MCTP2: variants seen among roughly 807,000 people sequenced by gnomAD.
The protein encoded by MCTP2 is multiple C2 and transmembrane domain-containing protein 2.
In MCTP2, 132 loss-of-function variants were observed where a neutral mutation model predicts 111.6. That is an observed-to-expected ratio of 1.18 (90% confidence interval 1.03 to 1.37). MCTP2 has a LOEUF of 1.37. Ranked by LOEUF, MCTP2 falls within the 40% of genes most tolerant of loss-of-function variation. The pLI is 0.00. For missense variants in MCTP2, 1,183 were observed against 1,067.9 expected, an observed-to-expected ratio of 1.11 and a Z score of -1.50; for synonymous variants, 395 against 387.7, an observed-to-expected ratio of 1.02 and a Z score of -0.22.
intron 8 of MCTP2, among the ~76,000 whole-genome samples, chr15:94,351,422 A>G (rs1352855278): frequency 4.6e-5 from 7 of 152,188 alleles, no homozygotes; most frequent in Non-Finnish European, 5.9e-5. Context: ...TATAGGCTCA[A>G]TGTTTTCTCT....
intron 17 of MCTP2, among the ~76,000 whole-genome samples, chr15:94,414,765 G>A (rs1358286507): frequency 3.9e-5 from 6 of 152,126 alleles, no homozygotes; most frequent in Non-Finnish European, 5.9e-5. Flanking sequence ...AACAAAAAGT[G>A]TGGCATGTTT....
rs1202560531 is a variant in MCTP2, at chr15:94,298,355, G to C, written c.90G>C (p.Lys30Asn). The change falls in exon 2 of 23, where the codon AAG becomes AAC. Residue 30 changes from lysine to asparagine, a missense_variant. Physicochemically the swap from Lys to Asn is moderately conservative, Grantham distance 94 (BLOSUM62 0). Transcript: ENST00000357742. ...LINLSKKKVKKNPSKPPDLRA... is the reference protein window; with the variant it reads ...LINLSKKKVKNNPSKPPDLRA... ...ACTTGAGCAAGAAGAAGGTGAAAAAGAACCCAAGTAAGCCCCCAGATCTAC... is the reference window on the plus strand; with the variant it reads ...ACTTGAGCAAGAAGAAGGTGAAAAACAACCCAAGTAAGCCCCCAGATCTAC... The C allele has an allele frequency of 6.2e-7, 1 of 1,614,150 alleles. No individual in the cohort carries two copies. The highest frequency in any genetic ancestry group is 1.1e-5 in the South Asian group (1 of 91,074).
intron 12 of MCTP2, among the ~76,000 whole-genome samples, chr15:94,383,665 A>G (rs1030072564): frequency 6.6e-6 from 1 of 152,228 alleles, no homozygotes; most frequent in Non-Finnish European, 1.5e-5. Context: ...CTTATTCTCT[A>G]CCATGAGAAC....
chr15:94,407,752 C>G (rs942559298), intron 17 of MCTP2, among the ~76,000 whole-genome samples: 2 of 150,078 alleles, frequency 1.3e-5, no homozygotes, highest in Admixed American at 6.7e-5. Context: ...TAGAGCCAAC[C>G]CTTCCAACAC....
Position 94,298,239 on chromosome 15 carries a change from A to T in MCTP2, c.-27A>T, listed in dbSNP as rs750208104. On this transcript the variant is annotated 5_prime_UTR_variant, in exon 2 of 23. It adds an upstream start codon to the 5' untranslated region. Coordinates refer to ENST00000357742, the MANE Select transcript of MCTP2 (RefSeq NM_001385001.1). ...TTTCAGTAGAGGTGTACTTCTGAGA[A>T]GTGGCTTCTTGGGTCTTCATGCAGC... 6.5e-7 allele frequency: 1 copy of T among 1,549,074 alleles called. No individual in the cohort carries two copies. Among genetic ancestry groups the T allele is most frequent in the Non-Finnish European group, 8.7e-7 (1 of 1,144,504 alleles).
chr15:94,334,020 A>G (rs1310069992), intron 4 of MCTP2, among the ~76,000 whole-genome samples: 1 of 152,246 alleles, frequency 6.6e-6, no homozygotes, highest in Non-Finnish European at 1.5e-5. Context: ...AAATTAGTGT[A>G]CATTAACTTG....
chr15:94,450,675 T>C (rs2084389972), intron 19 of MCTP2, among the ~76,000 whole-genome samples: 1 of 152,228 alleles, frequency 6.6e-6, no homozygotes, highest in Non-Finnish European at 1.5e-5. Flanking sequence ...TTAGTCTAGA[T>C]GATTGAAATT....
chr15:94,302,386 T>A (rs2075659397), intron 2 of MCTP2, among the ~76,000 whole-genome samples: 1 of 152,170 alleles, frequency 6.6e-6, no homozygotes, highest in East Asian at 1.9e-4. Context: ...AATGTTAGTC[T>A]ACTGTTATGG....
At chr15:94,263,213 A>G (rs772221991) in intron 1 of MCTP2, among the ~76,000 whole-genome samples, 15 of 152,230 alleles carry the variant, frequency 9.9e-5, no homozygotes, top group Admixed American at 2.6e-4. Context: ...TGCATTATCC[A>G]CTTTGGTTTT....
At chr15:94,356,019 C>T in intron 8 of MCTP2, 118 bp from the exon 9 acceptor site, 2 of 1,378,708 alleles carry the variant, frequency 1.5e-6, no homozygotes, top group Non-Finnish European at 1.9e-6. Flanking sequence ...CAGTTTTCCC[C>T]AGGCAGGGAG....
At chr15:94,409,306 G>A (rs535975366) in intron 17 of MCTP2, among the ~76,000 whole-genome samples, 5 of 152,178 alleles carry the variant, frequency 3.3e-5, no homozygotes, top group South Asian at 2.1e-4. Flanking sequence ...TGAGGAACTC[G>A]GACTGGCTCT....
intron 2 of MCTP2, among the ~76,000 whole-genome samples, chr15:94,309,304 AT>A (rs1425024398): frequency 3.3e-5 from 5 of 152,182 alleles, no homozygotes; most frequent in Admixed American, 3.3e-4. Context: ...AAATATACAT[AT>A]TCTAGATAGA....
At chr15:94,254,467 C>G (rs1024695478) in intron 1 of MCTP2, among the ~76,000 whole-genome samples, 3 of 152,166 alleles carry the variant, frequency 2.0e-5, no homozygotes, top group Non-Finnish European at 4.4e-5. Flanking sequence ...TATTTTTACT[C>G]AGCTCTGTTA....
chr15:94,281,117 T>A (rs558585162), intron 1 of MCTP2, among the ~76,000 whole-genome samples: 4 of 152,282 alleles, frequency 2.6e-5, no homozygotes, highest in African/African-American at 9.6e-5. Flanking sequence ...GTCTCAAATA[T>A]CTTTCTTAGT....
At chr15:94,281,381 C>T (rs1422244233) in intron 1 of MCTP2, among the ~76,000 whole-genome samples, 2 of 152,034 alleles carry the variant, frequency 1.3e-5, no homozygotes, top group African/African-American at 2.4e-5. Flanking sequence ...AATAGGAACC[C>T]CTGCTTCTTT....
chr15:94,447,417 CAG>C (rs1422028222), intron 19 of MCTP2, among the ~76,000 whole-genome samples: 23 of 152,230 alleles, frequency 1.5e-4, no homozygotes, highest in African/African-American at 5.3e-4. Flanking sequence ...TTTTTTGAGA[CAG>C]AGTTTCACTC....
chr15:94,357,140 T>C (rs2078669119), intron 9 of MCTP2, among the ~76,000 whole-genome samples: 2 of 151,946 alleles, frequency 1.3e-5, no homozygotes, highest in Admixed American at 1.3e-4. Context: ...AGTTGGAAAA[T>C]GATTTAGGGA....
chr15:94,456,253 G>A (rs1292821329), intron 19 of MCTP2, among the ~76,000 whole-genome samples: 1 of 152,152 alleles, frequency 6.6e-6, no homozygotes, highest in African/African-American at 2.4e-5. Context: ...GGACTCATGA[G>A]CATCGTTATT....
rs763508120 is a variant in MCTP2, at chr15:94,315,542, C to A, written c.542C>A (p.Ala181Asp). The change falls in exon 4 of 23, where the codon GCC becomes GAC. Residue 181 changes from alanine to aspartate, a missense_variant. Transcript: ENST00000357742. Reference protein sequence around the residue: ...HFEEQSVPGEASDGLSNLPSP... With the variant: ...HFEEQSVPGEDSDGLSNLPSP... ...CCATCTGTGCAGGTACCGGGGGAAG[C>A]CAGTGATGGCTTGAGTAACCTCCCC... 2 of 1,613,752 alleles carry A rather than the reference C, an allele frequency of 1.2e-6. No individual in the cohort carries two copies. Among genetic ancestry groups the A allele is most frequent in the Non-Finnish European group, 1.7e-6 (2 of 1,179,724 alleles).
Sources: allele counts gnomAD v4.1 joint callset (sites outside exome capture counted in the v4.1 genomes callset), GRCh38; gene constraint gnomAD v4.1.1; transcripts MANE v1.5; gene names NCBI Gene and HGNC (gene_info 2026-07-23, HGNC 2026-07-21).